Variants in TMEM117 observed in about 807,000 individuals in gnomAD.
TMEM117 encodes the protein transmembrane protein 117.
A neutral mutation model predicts 52.4 loss-of-function variants in TMEM117; 27 were observed. That is an observed-to-expected ratio of 0.51 (90% CI 0.38 to 0.71). TMEM117 has a LOEUF of 0.71. Ranked by LOEUF, TMEM117 falls within the 30% of genes least tolerant of loss-of-function variation. The probability of loss-of-function intolerance (pLI) is 0.00; values close to 1 mark genes in which losing one functional copy is unlikely to be tolerated. For missense variants in TMEM117, 556 were observed against 630.5 expected (o/e 0.88, Z 1.26); for synonymous variants, 215 against 206.3 (o/e 1.04, Z -0.36).
chr12:44,327,686 T>A (rs1034083421), intron 6 of TMEM117, among the ~76,000 whole-genome samples: 6 of 152,200 alleles, frequency 3.9e-5, no homozygotes. Flanking sequence ...ACTTTTTTTT[T>A]CTTATTGTTA....
At chr12:43,796,924 A>C in the TMEM117 span, 1 of 1,561,218 alleles carries the variant, frequency 6.4e-7, no homozygotes, top group Non-Finnish European at 8.8e-7. Flanking sequence ...ACTACATAGA[A>C]ATGAAAAGAA....
At chr12:44,337,188 C>T (rs948750909) in intron 6 of TMEM117, among the ~76,000 whole-genome samples, 2 of 151,982 alleles carry the variant, frequency 1.3e-5, no homozygotes, top group African/African-American at 4.8e-5. Context: ...GATCAATGCA[C>T]TCACAGTCTT....
chr12:44,072,629 A>T (rs1947319268), intron 3 of TMEM117, among the ~76,000 whole-genome samples: 2 of 152,202 alleles, frequency 1.3e-5, no homozygotes, highest in Admixed American at 1.3e-4. Flanking sequence ...GAAAAGAAGA[A>T]AATAAAACAA....
At chr12:44,089,400 C>A (rs1364330655) in intron 3 of TMEM117, among the ~76,000 whole-genome samples, 1 of 152,134 alleles carries the variant, frequency 6.6e-6, no homozygotes, top group African/African-American at 2.4e-5. Context: ...ACAAAGCTCC[C>A]CTCTGTTGAC....
At chr12:44,046,796 A>G (rs188387709) in intron 3 of TMEM117, among the ~76,000 whole-genome samples, 1 of 152,258 alleles carries the variant, frequency 6.6e-6, no homozygotes, top group East Asian at 1.9e-4. Context: ...TTCCTTTATC[A>G]TATGACATAA....
Position 44,388,454 on chromosome 12 carries a change from A to T in TMEM117, c.1327A>T (p.Ser443Cys), listed in dbSNP as rs750765878. 7.4e-6 allele frequency: 12 copies of T among 1,613,494 alleles called. No individual in the cohort carries two copies. The South Asian group carries it at 8.8e-5, about 12-fold the overall frequency. The part of the protein sequence containing the change: ...RMKRKSPSEH[S>C]KDMGITRENT... Reference sequence around the variant, plus strand: ...GAAAAGAAAATCTCCATCAGAACATAGCAAAGACATGGGAATCACTCGAGA... The same window carrying T: ...GAAAAGAAAATCTCCATCAGAACATTGCAAAGACATGGGAATCACTCGAGA... Residue 443 changes from serine (S) to cysteine (C), a missense_variant, in exon 8 of 8, where the codon AGC becomes TGC. Physicochemically the swap from Ser to Cys is moderately radical, Grantham distance 112. Transcript: ENST00000266534.
intron 3 of TMEM117, among the ~76,000 whole-genome samples, chr12:43,954,164 G>A (rs1164924909): frequency 2.0e-5 from 3 of 152,132 alleles, no homozygotes; most frequent in African/African-American, 7.2e-5. Flanking sequence ...AGTATTAAGA[G>A]AAATGTATAG....
At chr12:43,808,432 A>G in the TMEM117 span, among the ~76,000 whole-genome samples, 7 of 152,328 alleles carry the variant, frequency 4.6e-5, no homozygotes, top group South Asian at 1.2e-3. Flanking sequence ...TACACTGCCC[A>G]TGAGTGAAAG....
chr12:43,883,000 G>A (rs1037727612), intron 2 of TMEM117, among the ~76,000 whole-genome samples: 1 of 152,132 alleles, frequency 6.6e-6, no homozygotes, highest in Non-Finnish European at 1.5e-5. Flanking sequence ...ATTCTGATTT[G>A]GAGTGCTTTT....
chr12:44,276,014 A>G (rs1950507398), intron 5 of TMEM117, among the ~76,000 whole-genome samples: 1 of 152,142 alleles, frequency 6.6e-6, no homozygotes, highest in Admixed American at 6.5e-5. Flanking sequence ...TTATGATGTG[A>G]TTATTATGCA....
chr12:43,813,817 T>C, the TMEM117 span, among the ~76,000 whole-genome samples: 10 of 152,138 alleles, frequency 6.6e-5, no homozygotes, highest in African/African-American at 1.2e-4. Context: ...CAATTCACTT[T>C]AGCCTCAATT....
intron 1 of TMEM117, among the ~76,000 whole-genome samples, chr12:43,836,570 C>T (rs1331789187): frequency 1.3e-5 from 2 of 152,090 alleles, no homozygotes; most frequent in Non-Finnish European, 2.9e-5. Flanking sequence ...TTCAGCGATT[C>T]CTAGCCTAGG....
At chr12:43,933,712 G>A (rs1673459499) in intron 2 of TMEM117, among the ~76,000 whole-genome samples, 1 of 151,666 alleles carries the variant, frequency 6.6e-6, no homozygotes, top group African/African-American at 2.4e-5. Flanking sequence ...ACAGGCGCGT[G>A]CCACCACACC....
chr12:43,800,434 C>A, the TMEM117 span: 1 of 1,608,816 alleles, frequency 6.2e-7, no homozygotes, highest in Non-Finnish European at 8.5e-7. Flanking sequence ...AAACATAATA[C>A]CTTTACTGTT....
rs555504819 is a variant in TMEM117, at chr12:44,170,407, A to C, written c.510+26783A>C. 5.5e-3 allele frequency among the ~76,000 whole-genome samples: 833 copies of C among 152,238 alleles called. 11 individuals are homozygous for C. The highest frequency in any genetic ancestry group is 0.019 in the African/African-American group (802 of 41,554). The stretch of plus-strand genomic sequence containing the variant: ...ATGTATACATATGTAACAAACCTGC[A>C]CGTTGTGCATGTGTACCCTAGAACT... On this transcript the variant is annotated intron_variant, in intron 4 of 7. Coordinates refer to ENST00000266534, the MANE Select transcript of TMEM117 (RefSeq NM_032256.3).
chr12:43,951,040 G>A (rs1231800493), intron 3 of TMEM117, among the ~76,000 whole-genome samples: 2 of 152,302 alleles, frequency 1.3e-5, no homozygotes, highest in Admixed American at 1.3e-4. Context: ...CCCAGGAAGT[G>A]CATGGAGCCC....
At chr12:44,168,260 A>C (rs114920479) in intron 4 of TMEM117, among the ~76,000 whole-genome samples, 11,805 of 152,094 alleles carry the variant, frequency 0.078, 1,389 homozygotes, top group African/African-American at 0.26. Context: ...CTCAAAAAAA[A>C]AAAAAGAGAA....
chr12:43,995,549 A>G (rs1946015487), intron 3 of TMEM117, among the ~76,000 whole-genome samples: 1 of 152,180 alleles, frequency 6.6e-6, no homozygotes, highest in Non-Finnish European at 1.5e-5. Context: ...TTTTAAGTCA[A>G]TAGTTTTTGG....
intron 5 of TMEM117, among the ~76,000 whole-genome samples, chr12:44,243,504 A>G (rs901069859): frequency 1.3e-5 from 2 of 151,906 alleles, no homozygotes; most frequent in South Asian, 2.1e-4. Flanking sequence ...AATTTAATTG[A>G]CAAGTAATAA....
Sources: gnomAD v4.1 joint callset for allele counts (sites outside exome capture counted in the v4.1 genomes callset) on GRCh38, gnomAD v4.1.1 for gene constraint, MANE v1.5 for transcripts, NCBI Gene and HGNC (gene_info 2026-07-23, HGNC 2026-07-21) for gene names.